CDH7: variants seen among roughly 807,000 people sequenced by gnomAD.
CDH7 encodes cadherin-7.
CDH7 carries 25 observed loss-of-function variants against 71.8 expected under a neutral mutation model. The ratio of observed to expected loss-of-function variants is 0.35; its 90% CI spans 0.25 to 0.49. The LOEUF is 0.49. CDH7 is among the 20% of genes least tolerant of loss of function. The pLI, the probability that CDH7 is intolerant of heterozygous loss-of-function variation, is 0.99. For missense variants in CDH7, 862 were observed against 974.6 expected, an observed-to-expected ratio of 0.88 and a Z score of 1.54; for synonymous variants, 381 against 363.8, an observed-to-expected ratio of 1.05 and a Z score of -0.54.
At chr18:65,873,092 G>A (rs1345963422) in intron 11 of CDH7, among the ~76,000 whole-genome samples, 2 of 152,052 alleles carry the variant, frequency 1.3e-5, no homozygotes, top group African/African-American at 2.4e-5. Context: ...TTAAAAAATA[G>A]GAAGTTTTTG....
At chr18:65,878,375 C>T (rs1914129978) in intron 11 of CDH7, among the ~76,000 whole-genome samples, 1 of 152,152 alleles carries the variant, frequency 6.6e-6, no homozygotes, top group African/African-American at 2.4e-5. Context: ...TCATATATTG[C>T]TAATTTCAAT....
At chr18:65,790,962 G>A (rs2143857377) in intron 2 of CDH7, among the ~76,000 whole-genome samples, 1 of 152,298 alleles carries the variant, frequency 6.6e-6, no homozygotes, top group East Asian at 1.9e-4. Flanking sequence ...CAGTTGCTGT[G>A]TTTGTAAGGG....
At chr18:65,800,330 T>C (rs1182829413) in intron 2 of CDH7, among the ~76,000 whole-genome samples, 2 of 152,138 alleles carry the variant, frequency 1.3e-5, no homozygotes, top group Admixed American at 6.5e-5. Context: ...CCTCCCGCCT[T>C]AGCCTCCCAG....
chr18:65,850,790 G>A (rs1373819224), intron 7 of CDH7, among the ~76,000 whole-genome samples: 1 of 150,930 alleles, frequency 6.6e-6, no homozygotes, highest in East Asian at 1.9e-4. Flanking sequence ...ATTAAGCTCA[G>A]AAATCAATAG....
intron 3 of CDH7, among the ~76,000 whole-genome samples, chr18:65,813,607 TAAAG>T (rs1352970531): frequency 1.3e-5 from 2 of 151,926 alleles, no homozygotes; most frequent in South Asian, 2.1e-4. Flanking sequence ...AAATAACACA[TAAAG>T]AAAGGGGCTT....
At chr18:65,828,778 A>G (rs902234125) in intron 6 of CDH7, among the ~76,000 whole-genome samples, 1 of 152,142 alleles carries the variant, frequency 6.6e-6, no homozygotes, top group Non-Finnish European at 1.5e-5. Context: ...CAATTATTTT[A>G]TTAATTCATT....
At chr18:65,842,681 G>A (rs543038533) in intron 6 of CDH7, among the ~76,000 whole-genome samples, 4 of 151,754 alleles carry the variant, frequency 2.6e-5, no homozygotes, top group East Asian at 1.9e-4. Context: ...GGGATAAGTC[G>A]GAATAAATGC....
chr18:65,788,923 A>G lies in CDH7; in HGVS notation c.211-20781A>G, dbSNP rs190249695. On this transcript the variant is annotated intron_variant, in intron 2 of 11. Coordinates refer to ENST00000397968, the MANE Select transcript of CDH7 (RefSeq NM_004361.5). ...TATGGGTTAAGGAAGTGTAAAAAAC[A>G]AGAAGAAATACGTAGTCTATAATGG... Among the ~76,000 whole-genome samples the G allele has an allele frequency of 1.8e-3, 271 of 152,330 alleles. 5 individuals are homozygous for G. Among genetic ancestry groups the G allele is most frequent in the Admixed American group, 0.016 (239 of 15,304 alleles).
At chr18:65,880,037 C>G (rs893527345) in intron 11 of CDH7, among the ~76,000 whole-genome samples, 2 of 152,072 alleles carry the variant, frequency 1.3e-5, no homozygotes, top group Non-Finnish European at 2.9e-5. Flanking sequence ...ATTTGCCTTT[C>G]CAGCAATTAA....
intron 6 of CDH7, among the ~76,000 whole-genome samples, chr18:65,843,100 CA>C (rs1912796569): frequency 6.6e-6 from 1 of 152,180 alleles, no homozygotes; most frequent in Admixed American, 6.5e-5. Context: ...CAACCTTTTT[CA>C]GCTCTCATGC....
intron 6 of CDH7, among the ~76,000 whole-genome samples, chr18:65,841,821 G>C (rs1242886057): frequency 8.6e-5 from 13 of 152,012 alleles, no homozygotes; most frequent in Non-Finnish European, 1.5e-5. Context: ...TTTTAGAAGG[G>C]TCTCTGGTGG....
chr18:65,821,988 A>G (rs1370748510), intron 4 of CDH7, 93 bp from the exon 5 acceptor site: 4 of 960,430 alleles, frequency 4.2e-6, no homozygotes, highest in Non-Finnish European at 5.0e-6. Context: ...AAAGGCAACA[A>G]CTCAAGAGGG....
At chr18:65,792,995 C>T (rs1340199574) in intron 2 of CDH7, among the ~76,000 whole-genome samples, 1 of 152,144 alleles carries the variant, frequency 6.6e-6, no homozygotes, top group East Asian at 1.9e-4. Flanking sequence ...CTCCGTGGAG[C>T]ATCAGCTACT....
chr18:65,819,182 T>C (rs1599028120), intron 4 of CDH7, among the ~76,000 whole-genome samples: 1 of 152,182 alleles, frequency 6.6e-6, no homozygotes, highest in Non-Finnish European at 1.5e-5. Flanking sequence ...TCCGTTGCAA[T>C]GACCTGGAAG....
At chr18:65,789,324 A>G (rs562527036) in intron 2 of CDH7, among the ~76,000 whole-genome samples, 2 of 152,322 alleles carry the variant, frequency 1.3e-5, no homozygotes, top group South Asian at 4.2e-4. Context: ...GAAGCAGCTT[A>G]TGCAAAGGCG....
intron 2 of CDH7, among the ~76,000 whole-genome samples, chr18:65,765,995 ATTAAC>A (rs1434043220): frequency 2.6e-5 from 4 of 152,100 alleles, no homozygotes; most frequent in Non-Finnish European, 5.9e-5. Context: ...TTAATTATAA[ATTAAC>A]TTAGTTATGG....
intron 6 of CDH7, among the ~76,000 whole-genome samples, chr18:65,833,622 G>C (rs1409720032): frequency 6.6e-6 from 1 of 152,070 alleles, no homozygotes; most frequent in Non-Finnish European, 1.5e-5. Context: ...ATGTATATAA[G>C]TATATACTAG....
intron 6 of CDH7, among the ~76,000 whole-genome samples, chr18:65,830,068 G>C (rs1169947078): frequency 6.6e-6 from 1 of 152,082 alleles, no homozygotes; most frequent in Non-Finnish European, 1.5e-5. Flanking sequence ...TTCTCAGGTA[G>C]ACAAGAGAAA....
chr18:65,834,542 A>T (rs994203458), intron 6 of CDH7, among the ~76,000 whole-genome samples: 1 of 152,214 alleles, frequency 6.6e-6, no homozygotes, highest in African/African-American at 2.4e-5. Flanking sequence ...CAGAATTAAG[A>T]TATTTTAAGA....
Sources: allele counts gnomAD v4.1 joint callset (sites outside exome capture counted in the v4.1 genomes callset), GRCh38; gene constraint gnomAD v4.1.1; transcripts MANE v1.5; gene names NCBI Gene and HGNC (gene_info 2026-07-23, HGNC 2026-07-21).